The following PHF6 variants were observed in gnomAD, a reference collection of about 807,000 sequenced individuals.
The protein encoded by PHF6 is PHD-like zinc finger protein.
Under a neutral mutation model 34.0 loss-of-function variants are expected in PHF6, and 7 were observed. The observed-to-expected ratio is 0.21, with a 90% confidence interval of 0.12 to 0.39. The LOEUF is 0.39. PHF6 is among the 10% of genes least tolerant of loss of function. The pLI is 1.00. For synonymous variants in PHF6, 89 were observed against 88.4 expected (o/e 1.01, Z -0.04); for missense variants, 128 against 262.8 (o/e 0.49, Z 3.55).
intron 9 of PHF6, among the ~76,000 whole-genome samples, chrX:134,420,619 G>T (rs1017110891): frequency 7.3e-5 from 8 of 110,289 alleles, no homozygotes; most frequent in Admixed American, 4.8e-4. Context: ...GGGAGACAGG[G>T]TCTCACTCTG....
chrX:134,413,698 C>T, intron 6 of PHF6, 41 bp downstream of exon 6: 1 of 1,197,483 alleles, frequency 8.4e-7, no homozygotes, highest in Non-Finnish European at 1.1e-6. Flanking sequence ...TTTGTTGCAC[C>T]ATGAATATTT....
chrX:134,388,381 A>G (rs1031400399), intron 3 of PHF6, among the ~76,000 whole-genome samples: 11 of 111,760 alleles, frequency 9.8e-5, no homozygotes, highest in African/African-American at 2.6e-4. Flanking sequence ...TCCTCAGTAC[A>G]GCGTTCCCTA....
chrX:134,412,676 A>G (rs2077455860), intron 5 of PHF6, among the ~76,000 whole-genome samples: 1 of 112,096 alleles, frequency 8.9e-6, no homozygotes, highest in South Asian at 3.7e-4. Context: ...AAATATTTAT[A>G]GTAAACTACT....
At chrX:134,380,670 A>G (rs1053104669) in intron 3 of PHF6, among the ~76,000 whole-genome samples, 1 of 111,367 alleles carries the variant, frequency 9.0e-6, no homozygotes, top group African/African-American at 3.3e-5. Context: ...TAGCTAGGTG[A>G]TCCTGATTAA....
At chrX:134,387,263 T>C (rs1164709487) in intron 3 of PHF6, among the ~76,000 whole-genome samples, 1 of 112,057 alleles carries the variant, frequency 8.9e-6, no homozygotes, top group African/African-American at 3.2e-5. Context: ...GAATACATTT[T>C]TTTAATGCAT....
intron 1 of PHF6, among the ~76,000 whole-genome samples, chrX:134,373,741 A>C (rs1421846705): frequency 3.7e-5 from 4 of 107,861 alleles, no homozygotes; most frequent in Admixed American, 9.8e-5. Flanking sequence ...AAAAACTGGG[A>C]ATTTTTAGTT....
chrX:134,380,971 C>T (rs377200703), intron 3 of PHF6, among the ~76,000 whole-genome samples: 1 of 111,556 alleles, frequency 9.0e-6, no homozygotes, highest in African/African-American at 3.3e-5. Context: ...CTCAGCCTCC[C>T]GAGTAGCTGG....
At chrX:134,410,838 A>G (rs1419830381) in intron 5 of PHF6, among the ~76,000 whole-genome samples, 1 of 107,468 alleles carries the variant, frequency 9.3e-6, no homozygotes, top group Non-Finnish European at 1.9e-5. Context: ...TTTAGTAGAG[A>G]CAGGTTTTCA....
intron 5 of PHF6, among the ~76,000 whole-genome samples, chrX:134,408,147 T>G (rs1248395714): frequency 9.0e-6 from 1 of 111,661 alleles, no homozygotes; most frequent in Non-Finnish European, 1.9e-5. Flanking sequence ...AGGCTGGTCT[T>G]GAACTCCTGA....
chrX:134,380,088 G>A (rs890402933), intron 3 of PHF6, among the ~76,000 whole-genome samples: 7 of 110,563 alleles, frequency 6.3e-5, no homozygotes, highest in Admixed American at 1.9e-4. Context: ...TACACTACAT[G>A]AAGCAACAGC....
At chrX:134,410,476 A>G (rs1194037153) in intron 5 of PHF6, among the ~76,000 whole-genome samples, 4 of 111,328 alleles carry the variant, frequency 3.6e-5, no homozygotes, top group East Asian at 5.6e-4. Context: ...TTTAAACTAT[A>G]CTTATTAACT....
intron 5 of PHF6, among the ~76,000 whole-genome samples, chrX:134,409,442 T>C (rs1397329148): frequency 9.0e-6 from 1 of 111,665 alleles, no homozygotes. Context: ...TTCAAAAGGA[T>C]ACTCTTGTGT....
At chrX:134,397,354 A>G (rs2077381555) in intron 5 of PHF6, among the ~76,000 whole-genome samples, 1 of 112,307 alleles carries the variant, frequency 8.9e-6, no homozygotes, top group Non-Finnish European at 1.9e-5. Context: ...GAAACATATA[A>G]GAAAGCATTT....
rs775740444 is a variant in PHF6, at chrX:134,425,219, T to C, written c.987T>C (p.His329=). ...RGIYKLYCKN[H]SGNDERDEED... ...ATTGTAGACTATACTGTAAAAATCATAGTGGAAATGATGAGAGAGATGAAG... is the reference window on the plus strand; with the variant it reads ...ATTGTAGACTATACTGTAAAAATCACAGTGGAAATGATGAGAGAGATGAAG... Residue 329 remains histidine, a synonymous_variant, in exon 10 of 11, where the codon CAT becomes CAC. Coordinates refer to ENST00000370803, the MANE Select transcript of PHF6 (RefSeq NM_001015877.2). 11 of 1,208,467 alleles carry C rather than the reference T, an allele frequency of 9.1e-6. No homozygotes were observed. Among genetic ancestry groups the C allele is most frequent in the Non-Finnish European group, 5.6e-6 (5 of 894,082 alleles).
chrX:134,418,986 G>A (rs921332266), intron 9 of PHF6: 30 of 110,128 alleles, frequency 2.7e-4, no homozygotes, highest in African/African-American at 9.9e-4. Flanking sequence ...GGGACTATAG[G>A]CGCATGCCAT....
intron 3 of PHF6, among the ~76,000 whole-genome samples, chrX:134,378,934 G>A (rs780321041): frequency 1.6e-4 from 18 of 112,070 alleles, no homozygotes; most frequent in Admixed American, 2.8e-4. Flanking sequence ...TTAATGGGAA[G>A]ATTTATTTTT....
At chrX:134,376,215 A>G (rs778352164) in intron 1 of PHF6, among the ~76,000 whole-genome samples, 14 of 112,182 alleles carry the variant, frequency 1.2e-4, no homozygotes, top group Admixed American at 2.8e-4. Flanking sequence ...TTACCTTCCT[A>G]GCATACAGCT....
chrX:134,397,279 C>G (rs1458701054), intron 5 of PHF6, among the ~76,000 whole-genome samples: 2 of 112,065 alleles, frequency 1.8e-5, no homozygotes, highest in East Asian at 5.5e-4. Context: ...ATGCCCGTCC[C>G]AGGAACTGTA....
chrX:134,421,172 A>G (rs2077490442), intron 9 of PHF6, among the ~76,000 whole-genome samples: 1 of 111,705 alleles, frequency 9.0e-6, no homozygotes, highest in Admixed American at 9.5e-5. Context: ...GAGGAAAGCA[A>G]TACAGATGTG....
Sources: allele counts gnomAD v4.1 joint callset (sites outside exome capture counted in the v4.1 genomes callset), GRCh38; gene constraint gnomAD v4.1.1; transcripts MANE v1.5; gene names NCBI Gene and HGNC (gene_info 2026-07-23, HGNC 2026-07-21).